Variants in SENP7 observed in about 807,000 individuals in gnomAD.
SENP7 encodes SUMO specific peptidase 7, also known as sentrin-specific protease 7.
In SENP7, 64 loss-of-function variants were observed where a neutral mutation model predicts 141.2. The ratio of observed to expected loss-of-function variants is 0.45; its 90% confidence interval spans 0.37 to 0.56. SENP7 has a LOEUF of 0.56. Among genes scored for constraint, SENP7 ranks in the 20% least tolerant of loss-of-function variants. SENP7 has a pLI of 0.00. For missense variants in SENP7, 1,025 were observed against 1,212.2 expected (o/e 0.85, Z 2.29); for synonymous variants, 382 against 426.4 (o/e 0.90, Z 1.28).
chr3:101,333,404 G>C (rs2059106583), intron 17 of SENP7: 1 of 152,502 alleles, frequency 6.6e-6, no homozygotes, highest in Non-Finnish European at 1.5e-5. Flanking sequence ...AATTAGCCAG[G>C]GTGGTGACAC....
chr3:101,428,760 C>A (rs1340047032), intron 4 of SENP7, among the ~76,000 whole-genome samples: 1 of 152,152 alleles, frequency 6.6e-6, no homozygotes, highest in Non-Finnish European at 1.5e-5. Context: ...GTCATGAAAT[C>A]TTTGCCCATG....
intron 17 of SENP7, among the ~76,000 whole-genome samples, chr3:101,335,623 A>G (rs548659303): frequency 1.9e-4 from 29 of 152,234 alleles, no homozygotes; most frequent in Non-Finnish European, 3.8e-4. Context: ...TGTTTTTTGA[A>G]AAGCTTACTA....
At chr3:101,443,630 C>T (rs1185274327) in intron 4 of SENP7, among the ~76,000 whole-genome samples, 1 of 151,370 alleles carries the variant, frequency 6.6e-6, no homozygotes, top group East Asian at 1.9e-4. Flanking sequence ...TTTCATTGAG[C>T]AGTGGTTTGT....
chr3:101,408,274 T>C (rs1393656756), intron 5 of SENP7, among the ~76,000 whole-genome samples: 2 of 151,954 alleles, frequency 1.3e-5, no homozygotes, highest in East Asian at 3.9e-4. Context: ...AGCAGTGAGA[T>C]TGAAATGGTA....
At chr3:101,355,508 A>C (rs182715484) in intron 11 of SENP7, among the ~76,000 whole-genome samples, 2 of 152,266 alleles carry the variant, frequency 1.3e-5, no homozygotes, top group East Asian at 3.9e-4. Flanking sequence ...TTTGTCAAAG[A>C]TCAGATGGTC....
intron 11 of SENP7, among the ~76,000 whole-genome samples, chr3:101,353,760 A>G (rs2059669490): frequency 6.6e-6 from 1 of 152,002 alleles, no homozygotes; most frequent in African/African-American, 2.4e-5. Flanking sequence ...ACCAGTGTCT[A>G]ACTATAGGAA....
At chr3:101,487,624 A>G (rs1049160787) in intron 3 of SENP7, among the ~76,000 whole-genome samples, 4 of 152,056 alleles carry the variant, frequency 2.6e-5, no homozygotes, top group Non-Finnish European at 5.9e-5. Context: ...ATCCATCTTG[A>G]GTTAATTTTT....
intron 4 of SENP7, among the ~76,000 whole-genome samples, chr3:101,452,516 G>T (rs2063181935): frequency 6.6e-6 from 1 of 152,194 alleles, no homozygotes; most frequent in African/African-American, 2.4e-5. Context: ...CCAAAACAGA[G>T]ATATAGACCA....
intron 4 of SENP7, among the ~76,000 whole-genome samples, chr3:101,447,485 C>T (rs80285436): frequency 2.0e-4 from 31 of 151,966 alleles, no homozygotes; most frequent in African/African-American, 7.5e-4. Context: ...AAAACAATTC[C>T]ATTCATAATA....
chr3:101,496,039 T>C (rs1387833522), intron 2 of SENP7, among the ~76,000 whole-genome samples: 3 of 152,318 alleles, frequency 2.0e-5, no homozygotes, highest in Admixed American at 1.3e-4. Context: ...TCATGATATA[T>C]AGGTAAGTAG....
chr3:101,403,969 A>T (rs1179340870), intron 5 of SENP7, among the ~76,000 whole-genome samples: 1 of 152,232 alleles, frequency 6.6e-6, no homozygotes, highest in African/African-American at 2.4e-5. Context: ...GATAGAAAGT[A>T]TCAATATTAA....
Position 101,361,808 on chromosome 3 carries a change from A to T in SENP7, c.1530T>A (p.Ile510=), listed in dbSNP as rs931197504. 1.2e-6 allele frequency: 2 copies of T among 1,608,600 alleles called. No homozygotes were observed. Among genetic ancestry groups the T allele is most frequent in the Non-Finnish European group, 1.7e-6 (2 of 1,178,068 alleles). The change falls in exon 11 of 24, where the codon ATT becomes ATA. Residue 510 remains isoleucine, a synonymous_variant. Coordinates refer to ENST00000394095, the MANE Select transcript of SENP7 (RefSeq NM_020654.5). The part of the protein sequence containing the change: ...YNPVMENISS[I]MPSNEMDLQL... ...GTAGATCCATCTCATTACTAGGCATAATACTGGAAATGTTCTCCATGACAG... is the reference window on the plus strand; with the variant it reads ...GTAGATCCATCTCATTACTAGGCATTATACTGGAAATGTTCTCCATGACAG...
At position 101,332,770 on chromosome 3, in the gene SENP7, G is replaced by T; in HGVS notation, c.2573C>A (p.Ser858Ter). ...TTCTTAAATAATCTGAAATACTTAC[G>T]ACTCATTTACAGGTACAAAGATGTA... ...KDYIFVPVNE[S>*]SHWYLAVICF... is the part of the protein sequence containing the mutation. Residue 858 changes from serine (S) to a stop codon, truncating the protein, a stop_gained and splice_region_variant, in exon 18 of 24, where the codon TCG (serine) becomes TAG (stop). Transcript: ENST00000394095. LOFTEE classifies it high-confidence loss of function. 6.7e-7 allele frequency: 1 copy of T among 1,486,380 alleles called. No homozygotes were observed. The highest frequency in any genetic ancestry group is 1.5e-5 in the South Asian group (1 of 67,318). The allele number at this position is 1,486,380 out of a possible 1,614,324, so 92.1% of individuals were successfully genotyped here. A position where few individuals can be genotyped will look rare whatever the true frequency, so the allele number is the denominator to read the frequency against.
In SENP7 at chr3:101,470,680, G is replaced by A. The variant is rs557066675; in HGVS notation, c.187-11628C>T. Among the ~76,000 whole-genome samples, 3 of 152,236 alleles carry A rather than the reference G, an allele frequency of 2.0e-5. No homozygotes were observed. In the South Asian group the frequency reaches 6.2e-4, roughly 32 times the overall value. Reference sequence around the variant, plus strand: ...ATCGGGCAAGAGAAAGAAATAAAGAGTATTCAATTAGGAAATGAGGAAGTC... The same window carrying A: ...ATCGGGCAAGAGAAAGAAATAAAGAATATTCAATTAGGAAATGAGGAAGTC... On this transcript the variant is annotated intron_variant, in intron 3 of 23. Transcript: ENST00000394095.
At chr3:101,327,867 T>C (rs1464674797) in intron 22 of SENP7, 51 bp from the exon 23 acceptor site, 1 of 1,393,758 alleles carries the variant, frequency 7.2e-7, no homozygotes, top group Non-Finnish European at 9.8e-7. Flanking sequence ...TATTTATCAG[T>C]ATGCAACATT....
chr3:101,499,576 C>A (rs1374020330), intron 2 of SENP7, among the ~76,000 whole-genome samples: 2 of 142,560 alleles, frequency 1.4e-5, no homozygotes, highest in Non-Finnish European at 3.1e-5. Flanking sequence ...CGCTCTGTCG[C>A]CCAGTCTAGA....
chr3:101,470,766 C>A (rs1479356361), intron 3 of SENP7, among the ~76,000 whole-genome samples: 1 of 152,122 alleles, frequency 6.6e-6, no homozygotes, highest in African/African-American at 2.4e-5. Context: ...TGTCTCAGCC[C>A]AAAATCTCCT....
rs116783020 is a variant in SENP7, at chr3:101,454,132, C to A, written c.284+4823G>T. On this transcript the variant is annotated intron_variant, in intron 4 of 23. Coordinates refer to ENST00000394095, the MANE Select transcript of SENP7 (RefSeq NM_020654.5). ...CGTACAGTCATTTTGAAAAAAAGTT[C>A]AGCAGTTGCTCAGAAAGTTAAACAA... 3.1e-3 allele frequency among the ~76,000 whole-genome samples: 471 copies of A among 152,290 alleles called. 5 individuals carry two copies. Among genetic ancestry groups the A allele is most frequent in the African/African-American group, 0.01 (436 of 41,550 alleles).
intron 3 of SENP7, among the ~76,000 whole-genome samples, chr3:101,469,602 A>G (rs1439108759): frequency 8.6e-6 from 1 of 115,766 alleles, no homozygotes; most frequent in Non-Finnish European, 1.9e-5. Context: ...AGGCGGGTGG[A>G]TCATGAGGTC....
Sources: gnomAD v4.1 joint callset for allele counts (sites outside exome capture counted in the v4.1 genomes callset) on GRCh38, gnomAD v4.1.1 for gene constraint, MANE v1.5 for transcripts, NCBI Gene and HGNC (gene_info 2026-07-23, HGNC 2026-07-21) for gene names.